Variants in NIBAN1 observed in about 807,000 individuals in gnomAD.
NIBAN1 encodes the protein protein Niban 1.
A neutral mutation model predicts 75.1 loss-of-function variants in NIBAN1; 81 were observed. The ratio of observed to expected loss-of-function variants is 1.08; its 90% CI spans 0.90 to 1.30. NIBAN1 has a LOEUF of 1.30. Ranked by LOEUF, NIBAN1 falls within the 50% of genes most tolerant of loss-of-function variation. The pLI is 0.00. For synonymous variants in NIBAN1, 436 were observed against 424.8 expected, an observed-to-expected ratio of 1.03 and a Z score of -0.32; for missense variants, 1,133 against 1,128.1, an observed-to-expected ratio of 1.00 and a Z score of -0.06.
intron 5 of NIBAN1, among the ~76,000 whole-genome samples, chr1:184,883,833 G>A (rs1656439790): frequency 1.3e-5 from 2 of 152,116 alleles, no homozygotes; most frequent in Non-Finnish European, 2.9e-5. Context: ...CACTGATCCA[G>A]AAACAAATAC....
intron 6 of NIBAN1, 127 bp downstream of exon 6, chr1:184,831,720 G>A: frequency 1.5e-6 from 1 of 672,712 alleles, no homozygotes; most frequent in Non-Finnish European, 2.6e-6. Context: ...TGAGAGAGAT[G>A]GTCTTTGGAA....
At chr1:184,942,048 AT>A (rs1207499219) in intron 1 of NIBAN1, among the ~76,000 whole-genome samples, 9 of 152,216 alleles carry the variant, frequency 5.9e-5, no homozygotes, top group African/African-American at 2.2e-4. Flanking sequence ...TAGTATCATA[AT>A]TGTGCCTACA....
At chr1:184,957,000 C>T (rs1048976300) in intron 1 of NIBAN1, among the ~76,000 whole-genome samples, 2 of 152,258 alleles carry the variant, frequency 1.3e-5, no homozygotes, top group African/African-American at 4.8e-5. Context: ...AACATTGCCA[C>T]CAGCTTCCCT....
At chr1:184,832,837 A>G (rs1208745405) in intron 5 of NIBAN1, among the ~76,000 whole-genome samples, 2 of 152,230 alleles carry the variant, frequency 1.3e-5, no homozygotes, top group East Asian at 1.9e-4. Flanking sequence ...TCAGAGTTCC[A>G]TAAGTCATGC....
intron 1 of NIBAN1, among the ~76,000 whole-genome samples, chr1:184,951,590 C>T (rs1414894967): frequency 6.6e-6 from 1 of 152,108 alleles, no homozygotes; most frequent in South Asian, 2.1e-4. Flanking sequence ...GTATTTATAA[C>T]CCAACCATGT....
At chr1:184,904,381 G>A (rs917517577) in intron 1 of NIBAN1, among the ~76,000 whole-genome samples, 24 of 152,182 alleles carry the variant, frequency 1.6e-4, no homozygotes, top group Admixed American at 3.3e-4. Flanking sequence ...TTATAGCAAC[G>A]GAAGGAAACT....
At chr1:184,965,919 G>C (rs572433810) in intron 1 of NIBAN1, among the ~76,000 whole-genome samples, 2 of 152,198 alleles carry the variant, frequency 1.3e-5, no homozygotes, top group South Asian at 4.1e-4. Context: ...GTAAACTCCA[G>C]ACTGTGAAAA....
At chr1:184,895,380 T>C (rs1656772016) in intron 2 of NIBAN1, among the ~76,000 whole-genome samples, 2 of 152,152 alleles carry the variant, frequency 1.3e-5, no homozygotes, top group African/African-American at 4.8e-5. Context: ...TATCAGAATC[T>C]CTGGAGCTGT....
chr1:184,845,041 G>A (rs575177553), intron 5 of NIBAN1, among the ~76,000 whole-genome samples: 1 of 152,146 alleles, frequency 6.6e-6, no homozygotes, highest in East Asian at 1.9e-4. Flanking sequence ...AACCAGTACC[G>A]CCAACAGAGT....
intron 1 of NIBAN1, among the ~76,000 whole-genome samples, chr1:184,900,679 A>G (rs547181671): frequency 3.9e-5 from 6 of 152,056 alleles, no homozygotes; most frequent in African/African-American, 1.2e-4. Context: ...GGGAAGAGAG[A>G]AGGAGGAATA....
At chr1:184,903,944 T>C (rs1020653556) in intron 1 of NIBAN1, among the ~76,000 whole-genome samples, 3 of 151,774 alleles carry the variant, frequency 2.0e-5, no homozygotes, top group Non-Finnish European at 4.4e-5. Context: ...TCCCCCAGGC[T>C]GTAGTGCAGT....
intron 1 of NIBAN1, among the ~76,000 whole-genome samples, chr1:184,936,597 A>G (rs1276092513): frequency 6.6e-6 from 1 of 152,160 alleles, no homozygotes; most frequent in Non-Finnish European, 1.5e-5. Flanking sequence ...TTCCCTTCAG[A>G]GGCTCCACTC....
chr1:184,943,284 A>C (rs114640022), intron 1 of NIBAN1, among the ~76,000 whole-genome samples: 2,614 of 152,318 alleles, frequency 0.017, 71 homozygotes, highest in African/African-American at 0.059. Flanking sequence ...TGGAAAAACA[A>C]GGGGTTTAGC....
At chr1:184,878,915 T>C (rs954252690) in intron 5 of NIBAN1, among the ~76,000 whole-genome samples, 1 of 152,158 alleles carries the variant, frequency 6.6e-6, no homozygotes, top group African/African-American at 2.4e-5. Context: ...TAGAGTTTCA[T>C]GGACCAGGGG....
At chr1:184,909,269 G>A (rs1401197413) in intron 1 of NIBAN1, among the ~76,000 whole-genome samples, 1 of 152,128 alleles carries the variant, frequency 6.6e-6, no homozygotes, top group Non-Finnish European at 1.5e-5. Context: ...AGGTTCTATG[G>A]TGTCTCCTCT....
intron 5 of NIBAN1, among the ~76,000 whole-genome samples, chr1:184,859,148 A>T (rs1201661258): frequency 6.6e-6 from 1 of 152,010 alleles, no homozygotes; most frequent in Non-Finnish European, 1.5e-5. Context: ...CAATTTATGC[A>T]TTTATATAAA....
intron 6 of NIBAN1, among the ~76,000 whole-genome samples, chr1:184,831,589 A>G (rs1655001101): frequency 6.6e-6 from 1 of 152,196 alleles, no homozygotes; most frequent in African/African-American, 2.4e-5. Context: ...CTTTTCATAG[A>G]AAACAGTGGA....
At chr1:184,798,020 T>G (rs907803451) in intron 13 of NIBAN1, 59 bp downstream of exon 13, 26 of 1,115,526 alleles carry the variant, frequency 2.3e-5, no homozygotes, top group Non-Finnish European at 2.8e-5. Context: ...TACAGAGTCC[T>G]ATTTCAGGGA....
chr1:184,931,720 G>A (rs1417160784), intron 1 of NIBAN1, among the ~76,000 whole-genome samples: 1 of 152,144 alleles, frequency 6.6e-6, no homozygotes, highest in African/African-American at 2.4e-5. Context: ...TCTATCTTAT[G>A]CCAAGCCATA....
Sources: allele counts gnomAD v4.1 joint callset (sites outside exome capture counted in the v4.1 genomes callset), GRCh38; gene constraint gnomAD v4.1.1; transcripts MANE v1.5; gene names NCBI Gene and HGNC (gene_info 2026-07-23, HGNC 2026-07-21).